FBXW10B: variants seen among roughly 807,000 people sequenced by gnomAD.
FBXW10B encodes F-box and WD repeat domain containing 10B.
chr17:15,586,642 A>G, the FBXW10B span, among the ~76,000 whole-genome samples: 1 of 151,528 alleles, frequency 6.6e-6, no homozygotes, highest in Non-Finnish European at 1.5e-5. Context: ...GGTGAGGGAT[A>G]CAGTTGAGGA....
chr17:15,610,513 T>C, the FBXW10B span, among the ~76,000 whole-genome samples: 1 of 152,202 alleles, frequency 6.6e-6, no homozygotes, highest in East Asian at 1.9e-4. Flanking sequence ...ACTGTTTTAC[T>C]TGGGCCCACT....
the FBXW10B span, among the ~76,000 whole-genome samples, chr17:15,611,172 G>A: frequency 6.6e-6 from 1 of 151,916 alleles, no homozygotes; most frequent in Non-Finnish European, 1.5e-5. Flanking sequence ...TAGAGGCACT[G>A]CCACCATGCC....
the FBXW10B span, chr17:15,612,569 C>T: frequency 1.5e-6 from 2 of 1,305,786 alleles, no homozygotes; most frequent in Non-Finnish European, 1.1e-6. Flanking sequence ...ACAGAACTCT[C>T]GTCTTCCTTA....
chr17:15,607,006 C>T, the FBXW10B span, among the ~76,000 whole-genome samples: 1 of 152,004 alleles, frequency 6.6e-6, no homozygotes, highest in Non-Finnish European at 1.5e-5. Context: ...GAAATGATGT[C>T]AGAGTATGCA....
the FBXW10B span, among the ~76,000 whole-genome samples, chr17:15,598,076 A>G: frequency 6.6e-6 from 1 of 152,028 alleles, no homozygotes; most frequent in Non-Finnish European, 1.5e-5. Flanking sequence ...ATCTTGGCCC[A>G]TTTATAAAAT....
the FBXW10B span, chr17:15,593,615 G>A: frequency 5.4e-6 from 7 of 1,287,606 alleles, no homozygotes; most frequent in Admixed American, 1.4e-4. Context: ...GCCTCAAAAT[G>A]GTGTTTGCTG....
the FBXW10B span, among the ~76,000 whole-genome samples, chr17:15,592,688 C>T: frequency 6.6e-6 from 1 of 151,748 alleles, no homozygotes; most frequent in Admixed American, 6.6e-5. Flanking sequence ...GCTGATAGAG[C>T]TCTCAGGCAG....
chr17:15,601,460 T>C, the FBXW10B span, among the ~76,000 whole-genome samples: 2 of 149,386 alleles, frequency 1.3e-5, no homozygotes, highest in Non-Finnish European at 3.0e-5. Context: ...GAAACATACA[T>C]GCTTTTAGAA....
chr17:15,588,808 G>A, the FBXW10B span: 2 of 1,401,700 alleles, frequency 1.4e-6, no homozygotes, highest in Non-Finnish European at 2.0e-6. Flanking sequence ...GTGTGATTGA[G>A]TTGAGTTGGA....
At chr17:15,618,943 G>C in the FBXW10B span, 2 of 1,576,472 alleles carry the variant, frequency 1.3e-6, no homozygotes, top group Non-Finnish European at 1.7e-6. Context: ...GTTCCTTACA[G>C]ATTTCTGAAG....
chr17:15,601,049 C>CAAAAAAAA, the FBXW10B span, among the ~76,000 whole-genome samples: 5,802 of 28,126 alleles, frequency 0.21, 2,018 homozygotes, highest in African/African-American at 0.32. Context: ...GACTCCATCT[C>CAAAAAAAA]AAAAAAAAAA....
the FBXW10B span, among the ~76,000 whole-genome samples, chr17:15,602,388 A>G: frequency 6.6e-6 from 1 of 152,116 alleles, no homozygotes; most frequent in African/African-American, 2.4e-5. Context: ...CACATTATTC[A>G]TTTATGAATA....
the FBXW10B span, among the ~76,000 whole-genome samples, chr17:15,583,408 G>T: frequency 1.8e-4 from 26 of 146,392 alleles, no homozygotes; most frequent in African/African-American, 5.5e-4. Flanking sequence ...TGACTGCCCC[G>T]TGTTCCCTGC....
chr17:15,581,915 TCTC>T, the FBXW10B span, among the ~76,000 whole-genome samples: 1 of 151,022 alleles, frequency 6.6e-6, no homozygotes, highest in African/African-American at 2.4e-5. Flanking sequence ...TAGCCTTTCT[TCTC>T]CTCATCTTGC....
the FBXW10B span, among the ~76,000 whole-genome samples, chr17:15,599,599 C>A: frequency 6.7e-6 from 1 of 148,710 alleles, no homozygotes; most frequent in Non-Finnish European, 1.5e-5. Flanking sequence ...GATCTGCAAA[C>A]AAGAGCAACA....
At chr17:15,572,271 C>A in the FBXW10B span, 3 of 152,170 alleles carry the variant, frequency 2.0e-5, no homozygotes, top group African/African-American at 7.2e-5. Flanking sequence ...GCTCCTCCGC[C>A]TGCTTCACCA....
the FBXW10B span, among the ~76,000 whole-genome samples, chr17:15,569,253 G>A: frequency 1.6e-4 from 25 of 152,054 alleles, 1 homozygote; most frequent in Admixed American, 1.3e-3. Context: ...TACATGCCCC[G>A]TCAACAGTGT....
At chr17:15,576,765 TATTTA>T in the FBXW10B span, among the ~76,000 whole-genome samples, 1 of 151,156 alleles carries the variant, frequency 6.6e-6, no homozygotes, top group Non-Finnish European at 1.5e-5. Context: ...AGCAAAAGGT[TATTTA>T]GAGAGGATAA....
chr17:15,579,986 T>C, the FBXW10B span, among the ~76,000 whole-genome samples: 3 of 151,150 alleles, frequency 2.0e-5, no homozygotes, highest in African/African-American at 7.3e-5. Context: ...CATCAGTTTC[T>C]TTTCTACAGT....
Sources: gnomAD v4.1 joint callset for allele counts (sites outside exome capture counted in the v4.1 genomes callset) on GRCh38, gnomAD v4.1.1 for gene constraint, MANE v1.5 for transcripts, NCBI Gene and HGNC (gene_info 2026-07-23, HGNC 2026-07-21) for gene names.